Variants in CC2D1A observed in about 807,000 individuals in gnomAD.
CC2D1A encodes coiled-coil and C2 domain-containing protein 1A.
A neutral mutation model predicts 123.8 loss-of-function variants in CC2D1A; 68 were observed. The observed-to-expected ratio is 0.55, with a 90% confidence interval of 0.45 to 0.67. The LOEUF is 0.67. Among genes scored for constraint, CC2D1A ranks in the 30% least tolerant of loss-of-function variants. The pLI is 0.00. For missense variants in CC2D1A, 1,185 were observed against 1,290.3 expected (o/e 0.92, Z 1.25); for synonymous variants, 477 against 528.0 (o/e 0.90, Z 1.32).
rs191830054 is a variant in CC2D1A at position 13,919,829 on chromosome 19, A to T, written c.1234A>T (p.Ile412Phe). The T allele has an allele frequency of 1.9e-6, 3 of 1,603,882 alleles. No homozygotes were observed. In the South Asian group the frequency reaches 3.3e-5, roughly 18 times the overall value. ...GACTGGCCACCCAGGCTTCCCCCCA[A>T]TCCAGGGCCTGGAGGCCACCAAGCC... ...ELPVPPGFPP[I>F]QGLEATKPTQ... Residue 412 changes from isoleucine (I) to phenylalanine (F), a missense_variant, in exon 12 of 29, where the codon ATC becomes TTC. By Grantham distance (21) the Ile-to-Phe change is conservative. Transcript: ENST00000318003.
At chr19:13,926,342 A>G (rs949328697) in intron 17 of CC2D1A, among the ~76,000 whole-genome samples, 175 bp from the exon 18 acceptor site, 3 of 152,146 alleles carry the variant, frequency 2.0e-5, no homozygotes, top group African/African-American at 7.2e-5. Flanking sequence ...GCCAACCTGA[A>G]CAGAGAACTC....
rs575959496 is a variant in CC2D1A at position 13,920,686 on chromosome 19, G to C, written c.1468+18G>C. 80 of 1,604,842 alleles carry C rather than the reference G, an allele frequency of 5.0e-5. No homozygotes were observed. In the South Asian group the frequency reaches 8.5e-4, roughly 17 times the overall value. On this transcript the variant is annotated intron_variant, in intron 13 of 28. Transcript: ENST00000318003. ...CACCAGAGGTAAGTTCCCCCTCCCC[G>C]CCCCAGCTGCCTGTTGCCTGGCTGT...
chr19:13,927,808 A>C (rs1971699872), intron 22 of CC2D1A, 85 bp from the exon 23 acceptor site: 4 of 1,406,034 alleles, frequency 2.8e-6, no homozygotes, highest in South Asian at 1.3e-5. Flanking sequence ...AAAAAAAAAA[A>C]CCAGTCTTGT....
intron 7 of CC2D1A, 50 bp from the exon 8 acceptor site, chr19:13,918,454 C>T: frequency 6.4e-7 from 1 of 1,562,090 alleles, no homozygotes; most frequent in Non-Finnish European, 8.7e-7. Context: ...CCCACAGGGT[C>T]CAAGCCCCCA....
intron 2 of CC2D1A, among the ~76,000 whole-genome samples, chr19:13,911,797 G>C (rs1971010028): frequency 7.0e-6 from 1 of 143,682 alleles, no homozygotes; most frequent in Non-Finnish European, 1.5e-5. Context: ...CTCACCGCAA[G>C]CTCCGCCTCC....
chr19:13,925,636 G>A (rs546520956), intron 17 of CC2D1A, among the ~76,000 whole-genome samples: 1 of 151,506 alleles, frequency 6.6e-6, no homozygotes, highest in Non-Finnish European at 1.5e-5. Flanking sequence ...ACACTAGCTG[G>A]TGCTTTAATA....
chr19:13,913,854 TA>T (rs1411279494), intron 6 of CC2D1A, among the ~76,000 whole-genome samples: 10 of 152,138 alleles, frequency 6.6e-5, no homozygotes, highest in African/African-American at 2.4e-4. Flanking sequence ...TATGATAAAA[TA>T]TAGATCACAT....
chr19:13,908,527 C>T (rs377669772), intron 1 of CC2D1A, among the ~76,000 whole-genome samples: 5 of 151,660 alleles, frequency 3.3e-5, no homozygotes, highest in Non-Finnish European at 5.9e-5. Flanking sequence ...AGTTTGGTGG[C>T]GCAATCTCAG....
intron 17 of CC2D1A, among the ~76,000 whole-genome samples, chr19:13,924,232 G>A (rs1455129548): frequency 6.7e-6 from 1 of 149,954 alleles, no homozygotes; most frequent in East Asian, 1.9e-4. Context: ...GTGCAGGGGT[G>A]TGATCTCTGC....
At position 13,906,409 on chromosome 19, in the gene CC2D1A, G is replaced by C. The variant is rs998026426; in HGVS notation, c.-33G>C. On this transcript the variant is annotated 5_prime_UTR_variant, in exon 1 of 29. Transcript: ENST00000318003. This position sits in a 1 kb window ranked among gnomAD's most constrained non-coding sequence, Gnocchi z 4.1. ...AAGGAGGCAGGGCAAGGCCGGGCTT[G>C]GGGGCAGGTGGTCCGGGCATCCAGC... is the stretch of plus-strand genomic sequence containing the variant. The C allele has an allele frequency of 2.0e-6, 3 of 1,501,298 alleles. No homozygotes were observed. Among genetic ancestry groups the C allele is most frequent in the Non-Finnish European group, 2.7e-6 (3 of 1,125,848 alleles). The allele number at this position is 1,501,298 out of a possible 1,614,324, so 93.0% of individuals were successfully genotyped here.
Position 13,906,388 on chromosome 19 carries a change from AGGCAG to A in CC2D1A, c.-49_-45del, listed in dbSNP as rs1970728575. 7.1e-7 allele frequency: 1 copy of A among 1,404,152 alleles called. No homozygotes were observed. The highest frequency in any genetic ancestry group is 1.5e-5 in the African/African-American group (1 of 67,494). The allele number at this position is 1,404,152 out of a possible 1,614,324, so 87.0% of individuals were successfully genotyped here. On this transcript the variant is annotated 5_prime_UTR_variant, in exon 1 of 29. Transcript: ENST00000318003. The surrounding 1 kb of genome is among the most constrained non-coding windows in gnomAD (Gnocchi z 4.1). Reference sequence around the variant, plus strand: ...GCGCGGCGACAGAGCCCGGGGAAGGAGGCAGGGCAAGGCCGGGCTTGGGGGCAGGT... The same window carrying A: ...GCGCGGCGACAGAGCCCGGGGAAGGAGGCAAGGCCGGGCTTGGGGGCAGGT...
In CC2D1A at chr19:13,918,791, C is replaced by G. The variant is rs781498477; in HGVS notation, c.992C>G (p.Thr331Ser). The change falls in exon 9 of 29, where the codon ACC becomes AGC. Residue 331 changes from threonine to serine, a missense_variant. Thr to Ser is a moderately conservative substitution (Grantham distance 58). Coordinates refer to ENST00000318003, the MANE Select transcript of CC2D1A (RefSeq NM_017721.5). ...DPPSPPSQPP[T>S]PATAPSTTEV... Reference sequence around the variant, plus strand: ...CCGTCACCACCGTCGCAGCCTCCGACCCCCGCTACGGCGCCCTCCACAACA... The same window carrying G: ...CCGTCACCACCGTCGCAGCCTCCGAGCCCCGCTACGGCGCCCTCCACAACA... 6.2e-7 allele frequency: 1 copy of G among 1,613,518 alleles called. No homozygotes were observed. Among genetic ancestry groups the G allele is most frequent in the Non-Finnish European group, 8.5e-7 (1 of 1,179,766 alleles).
intron 2 of CC2D1A, among the ~76,000 whole-genome samples, chr19:13,910,978 G>A (rs1254998142): frequency 6.6e-6 from 1 of 151,878 alleles, no homozygotes; most frequent in African/African-American, 2.4e-5. Flanking sequence ...TGAATTCAAA[G>A]TTAATGAATG....
intron 17 of CC2D1A, among the ~76,000 whole-genome samples, chr19:13,926,087 C>CAT (rs1568419195): frequency 1.8e-5 from 2 of 110,648 alleles, no homozygotes; most frequent in African/African-American, 8.8e-5. Flanking sequence ...CACACACACA[C>CAT]ATATATATTA....
intron 12 of CC2D1A, 71 bp from the exon 13 acceptor site, chr19:13,920,486 C>A: frequency 4.3e-6 from 4 of 926,066 alleles, no homozygotes; most frequent in Non-Finnish European, 6.9e-6. Context: ...CACCATCAGA[C>A]CCTGATCCTT....
In CC2D1A at chr19:13,926,969, C is replaced by T. The variant is rs1459218819; in HGVS notation, c.2126-9C>T. 2 of 1,613,624 alleles carry T rather than the reference C, an allele frequency of 1.2e-6. No individual in the cohort carries two copies. The highest frequency in any genetic ancestry group is 1.3e-5 in the African/African-American group (1 of 74,932). On this transcript the variant is annotated splice_polypyrimidine_tract_variant and intron_variant, in intron 20 of 28. Transcript: ENST00000318003. ...CCACCCAACTTCCTCTCCCTCCTTC[C>T]TCCTGCAGAGTTCAAGGAGCAGTTC...
At chr19:13,911,864 C>T (rs1369977828) in intron 2 of CC2D1A, among the ~76,000 whole-genome samples, 3 of 152,012 alleles carry the variant, frequency 2.0e-5, no homozygotes, top group Admixed American at 6.6e-5. Context: ...CACAGGCGCC[C>T]GCCAGCATGC....
rs1209571918 is a variant in CC2D1A, at chr19:13,929,600, A to G, written c.2650A>G (p.Met884Val). ...PEVAQQYQDI[M>V]QRSQWQRAQL... The stretch of plus-strand genomic sequence containing the variant: ...AGTGGCCCAGCAGTACCAGGACATC[A>G]TGCAACGCAGCCAGTGGCAGAGGGC... Residue 884 changes from methionine (M) to valine (V), a missense_variant, in exon 26 of 29, where the codon ATG becomes GTG. Physicochemically the swap from Met to Val is conservative, Grantham distance 21 (BLOSUM62 1). Transcript: ENST00000318003. 6.2e-7 allele frequency: 1 copy of G among 1,600,350 alleles called. No individual in the cohort carries two copies. The highest frequency in any genetic ancestry group is 1.4e-5 in the African/African-American group (1 of 72,332).
Position 13,927,916 on chromosome 19 carries a change from A to G in CC2D1A, c.2340A>G (p.Thr780=), listed in dbSNP as rs753164757. 56 of 1,613,272 alleles carry G rather than the reference A, an allele frequency of 3.5e-5. No homozygotes were observed. The highest frequency in any genetic ancestry group is 1.2e-4 in the Admixed American group (7 of 59,992). The stretch of plus-strand genomic sequence containing the variant: ...AGGTCCTGGATGGTCGCCGGCCCAC[A>G]GGGGGGCGACTGGAGGTAATGGTCC... ...ILEVLDGRRP[T]GGRLEVMVRI... Residue 780 remains threonine, a synonymous_variant, in exon 23 of 29, where the codon ACA becomes ACG. Coordinates refer to ENST00000318003, the MANE Select transcript of CC2D1A (RefSeq NM_017721.5).
Sources: allele counts gnomAD v4.1 joint callset (sites outside exome capture counted in the v4.1 genomes callset), GRCh38; gene constraint gnomAD v4.1.1; non-coding constraint Gnocchi (gnomAD v3.1); transcripts MANE v1.5; gene names NCBI Gene and HGNC (gene_info 2026-07-23, HGNC 2026-07-21).